The following AMPH variants were observed in gnomAD, a reference collection of about 807,000 sequenced individuals.
AMPH encodes the protein amphiphysin.
Under a neutral mutation model 99.1 loss-of-function variants are expected in AMPH, and 49 were observed. The observed-to-expected ratio is 0.49, with a 90% CI of 0.39 to 0.63. The LOEUF is 0.63. Ranked by LOEUF, AMPH falls within the 20% of genes least tolerant of loss-of-function variation. AMPH has a pLI of 0.00. For synonymous variants in AMPH, 314 were observed against 317.3 expected, an observed-to-expected ratio of 0.99 and a Z score of 0.11; for missense variants, 759 against 863.4, an observed-to-expected ratio of 0.88 and a Z score of 1.52.
chr7:38,591,733 G>A (rs1323449170), intron 1 of AMPH, among the ~76,000 whole-genome samples: 1 of 152,174 alleles, frequency 6.6e-6, no homozygotes, highest in Non-Finnish European at 1.5e-5. Flanking sequence ...GCCTACAGCT[G>A]TCCTCAGCAT....
chr7:38,586,380 G>T (rs1027545386), intron 1 of AMPH, among the ~76,000 whole-genome samples: 1 of 152,114 alleles, frequency 6.6e-6, no homozygotes, highest in African/African-American at 2.4e-5. Flanking sequence ...CTCAAATTTT[G>T]TATTTTCTAT....
At chr7:38,550,402 C>T (rs962397635) in intron 1 of AMPH, among the ~76,000 whole-genome samples, 2 of 152,166 alleles carry the variant, frequency 1.3e-5, no homozygotes, top group African/African-American at 2.4e-5. Context: ...GAGGAACCAA[C>T]GTCATTATTC....
Position 38,463,009 on chromosome 7 carries a change from G to C in AMPH, c.854C>G (p.Ser285Cys). Residue 285 changes from serine (S) to cysteine (C), a missense_variant, in exon 10 of 21, where the codon TCT becomes TGT. Transcript: ENST00000356264. ...ASPNHTLAPASPAPARPRSPS... is the reference protein window; with the variant it reads ...ASPNHTLAPACPAPARPRSPS... ...TGACCGAGGCCGTGCTGGTGCGGGA[G>C]ACGCAGGTGCTAATGTATGATTTGG... 1 of 1,601,298 alleles carries C rather than the reference G, an allele frequency of 6.2e-7. No individual in the cohort carries two copies. The highest frequency in any genetic ancestry group is 1.3e-5 in the African/African-American group (1 of 74,726).
intron 16 of AMPH, 147 bp downstream of exon 16, chr7:38,422,274 A>G: frequency 1.5e-6 from 1 of 673,928 alleles, no homozygotes; most frequent in South Asian, 2.0e-5. Flanking sequence ...GGTTTTACAG[A>G]CACATTCTCT....
At chr7:38,418,827 T>C (rs771087496) in intron 16 of AMPH, among the ~76,000 whole-genome samples, 6 of 152,168 alleles carry the variant, frequency 3.9e-5, no homozygotes, top group Non-Finnish European at 7.4e-5. Flanking sequence ...TGATTTCAAT[T>C]ACATATATGC....
At chr7:38,503,840 A>G (rs1052906261) in intron 2 of AMPH, 136 bp from the exon 3 acceptor site, 1 of 832,824 alleles carries the variant, frequency 1.2e-6, no homozygotes. Flanking sequence ...GACACAGACT[A>G]AACAAGGCAA....
intron 11 of AMPH, among the ~76,000 whole-genome samples, chr7:38,447,362 C>T (rs376699101): frequency 4.6e-5 from 7 of 152,298 alleles, no homozygotes; most frequent in Admixed American, 3.3e-4. Flanking sequence ...GCATTTTACA[C>T]ACAAAATTAG....
chr7:38,502,832 A>G (rs1789190315), intron 3 of AMPH, among the ~76,000 whole-genome samples: 1 of 152,164 alleles, frequency 6.6e-6, no homozygotes, highest in Admixed American at 6.5e-5. Context: ...CAACATATTT[A>G]CATCTTTACT....
chr7:38,432,204 G>A lies in AMPH; in HGVS notation c.1143C>T (p.Pro381=). 6.2e-7 allele frequency: 1 copy of A among 1,612,794 alleles called. No homozygotes were observed. Among genetic ancestry groups the A allele is most frequent in the Non-Finnish European group, 8.5e-7 (1 of 1,178,812 alleles). ...AGTGGCTTACCGTCCATAGGTCCCA[G>A]GGCAATGTCTGAAAGCAAATAAACA... is the stretch of plus-strand genomic sequence containing the variant. ...VTHSPMSQTL[P]WDLWTTSTDL... The change falls in exon 13 of 21, where the codon CCC becomes CCT. Residue 381 remains proline (P), a synonymous_variant. Coordinates refer to ENST00000356264, the MANE Select transcript of AMPH (RefSeq NM_001635.4).
At chr7:38,618,511 CAA>C (rs200287871) in intron 1 of AMPH, among the ~76,000 whole-genome samples, 3 of 149,470 alleles carry the variant, frequency 2.0e-5, no homozygotes, top group African/African-American at 7.4e-5. Flanking sequence ...GACTCTGTCT[CAA>C]AAAAAAAGAG....
chr7:38,563,916 C>T (rs1044773841), intron 1 of AMPH, among the ~76,000 whole-genome samples: 5 of 152,132 alleles, frequency 3.3e-5, no homozygotes, highest in African/African-American at 1.2e-4. Flanking sequence ...AGAATGTTAT[C>T]ACCTCACCAC....
At chr7:38,387,756 T>A in intron 20 of AMPH, among the ~76,000 whole-genome samples, 1 of 150,330 alleles carries the variant, frequency 6.7e-6, no homozygotes. Flanking sequence ...AGTCTAAGGA[T>A]CTCAGTGATT....
intron 1 of AMPH, among the ~76,000 whole-genome samples, chr7:38,537,999 C>T (rs1390032321): frequency 4.6e-5 from 7 of 152,220 alleles, no homozygotes; most frequent in East Asian, 1.9e-4. Context: ...AAGGATCAAA[C>T]TTGCTCTGCC....
chr7:38,449,197 C>T (rs1392266299), intron 11 of AMPH, among the ~76,000 whole-genome samples: 1 of 152,148 alleles, frequency 6.6e-6, no homozygotes, highest in African/African-American at 2.4e-5. Flanking sequence ...CAAACGAGTT[C>T]TAGAGAACCT....
At position 38,461,281 on chromosome 7, in the gene AMPH, A is replaced by T; in HGVS notation, c.1017+2T>A. On this transcript the variant is annotated splice_donor_variant, in intron 11 of 20. Coordinates refer to ENST00000356264, the MANE Select transcript of AMPH (RefSeq NM_001635.4). LOFTEE classifies it high-confidence loss of function. Reference sequence around the variant, plus strand: ...CATACCAGCCCTGAACCAGGCACTTACCTGGGAAGGTGTTGTCACACTGAT... The same window carrying T: ...CATACCAGCCCTGAACCAGGCACTTTCCTGGGAAGGTGTTGTCACACTGAT... 6.2e-7 allele frequency: 1 copy of T among 1,612,342 alleles called. No individual in the cohort carries two copies. The highest frequency in any genetic ancestry group is 8.5e-7 in the Non-Finnish European group (1 of 1,179,848).
chr7:38,388,532 T>C (rs1033018987), intron 20 of AMPH, among the ~76,000 whole-genome samples: 9 of 152,124 alleles, frequency 5.9e-5, no homozygotes, highest in Admixed American at 4.6e-4. Context: ...ATGATCATTA[T>C]GAAATTTTTT....
chr7:38,551,373 G>C (rs528946479), intron 1 of AMPH, among the ~76,000 whole-genome samples: 1 of 152,250 alleles, frequency 6.6e-6, no homozygotes, highest in African/African-American at 2.4e-5. Flanking sequence ...GCCCTGTTCT[G>C]ATCATCTGCA....
At chr7:38,453,864 A>G (rs1375903599) in intron 11 of AMPH, among the ~76,000 whole-genome samples, 3 of 152,236 alleles carry the variant, frequency 2.0e-5, no homozygotes, top group African/African-American at 7.2e-5. Flanking sequence ...AAACACTCCC[A>G]GTTCGAAAAT....
intron 17 of AMPH, among the ~76,000 whole-genome samples, chr7:38,397,856 T>A (rs1461604599): frequency 6.6e-6 from 1 of 152,008 alleles, no homozygotes. Flanking sequence ...AAGATCTGAA[T>A]AGACAGTTCA....
Sources: gnomAD v4.1 joint callset for allele counts (sites outside exome capture counted in the v4.1 genomes callset) on GRCh38, gnomAD v4.1.1 for gene constraint, MANE v1.5 for transcripts, NCBI Gene and HGNC (gene_info 2026-07-23, HGNC 2026-07-21) for gene names.